ALDH8A1: variants seen among roughly 807,000 people sequenced by gnomAD.
ALDH8A1 encodes the protein 2-aminomuconic semialdehyde dehydrogenase.
A neutral mutation model predicts 43.3 loss-of-function variants in ALDH8A1; 39 were observed. The observed-to-expected ratio is 0.90, with a 90% CI of 0.70 to 1.18. ALDH8A1 has a LOEUF of 1.18. Among genes scored for constraint, ALDH8A1 ranks in the 50% most tolerant of loss-of-function variants. ALDH8A1 has a pLI of 0.00. For missense variants in ALDH8A1, 605 were observed against 622.6 expected (o/e 0.97, Z 0.30); for synonymous variants, 233 against 243.5 (o/e 0.96, Z 0.40).
Position 134,927,823 on chromosome 6 carries a change from T to C in ALDH8A1, c.1011+1231A>G, listed in dbSNP as rs575500951. Among the ~76,000 whole-genome samples the C allele has an allele frequency of 1.5e-4, 23 of 152,188 alleles. No homozygotes were observed. In the South Asian group the frequency reaches 4.8e-3, roughly 32 times the overall value. ...GGAAGCAGTCTGGGGCATACTAACA[T>C]TGTTTTTCACCAGACATTTGCAGGT... is the stretch of plus-strand genomic sequence containing the variant. On this transcript the variant is annotated intron_variant, in intron 6 of 6. Coordinates refer to ENST00000265605, the MANE Select transcript of ALDH8A1 (RefSeq NM_022568.4).
At chr6:134,931,956 A>G (rs1776992778) in intron 5 of ALDH8A1, among the ~76,000 whole-genome samples, 1 of 152,252 alleles carries the variant, frequency 6.6e-6, no homozygotes, top group Admixed American at 6.5e-5. Flanking sequence ...TTAGCTCAAT[A>G]TAGACATCTC....
chr6:134,945,208 A>C lies in ALDH8A1; in HGVS notation c.139-1242T>G, dbSNP rs984089028. ...CTATAACATGAGTATTGCTATGCCC[A>C]TTTTACAGATGAGAAAACTGAGACA... On this transcript the variant is annotated intron_variant, in intron 1 of 6. Transcript: ENST00000265605. Among the ~76,000 whole-genome samples the C allele has an allele frequency of 9.9e-5, 15 of 152,202 alleles. 2 individuals carry two copies. The highest frequency in any genetic ancestry group is 2.6e-4 in the Admixed American group (4 of 15,292).
intron 1 of ALDH8A1, chr6:134,944,194 A>G: frequency 2.1e-6 from 1 of 475,832 alleles, no homozygotes; most frequent in Non-Finnish European, 3.7e-6. Flanking sequence ...CAGCCTCCTG[A>G]GCAGCTGGGA....
chr6:134,942,358 G>A lies in ALDH8A1; in HGVS notation c.442+51C>T, dbSNP rs376554109. 2.0e-6 allele frequency: 3 copies of A among 1,494,950 alleles called. No individual in the cohort carries two copies. The Admixed American group carries it at 5.9e-5, about 30-fold the overall frequency. 92.6% of individuals were successfully genotyped at this position (1,494,950 alleles called of 1,614,324 possible). The stretch of plus-strand genomic sequence containing the variant: ...TGAGGACAATGCCATAGAATGTTGT[G>A]AGCATCTGCAAGCATAACCGGGAGG... On this transcript the variant is annotated intron_variant, in intron 3 of 6. Transcript: ENST00000265605.
intron 4 of ALDH8A1, among the ~76,000 whole-genome samples, chr6:134,938,575 G>A (rs1001892138): frequency 1.3e-5 from 2 of 152,036 alleles, no homozygotes; most frequent in African/African-American, 4.8e-5. Flanking sequence ...GGTGTACCTA[G>A]CAATATTCTT....
chr6:134,921,642 C>G (rs1334543432), intron 6 of ALDH8A1, among the ~76,000 whole-genome samples: 1 of 152,218 alleles, frequency 6.6e-6, no homozygotes, highest in African/African-American at 2.4e-5. Flanking sequence ...GCATCGCCAC[C>G]TATTGTGGCA....
At chr6:134,920,909 C>T (rs1394408990) in intron 6 of ALDH8A1, among the ~76,000 whole-genome samples, 2 of 152,298 alleles carry the variant, frequency 1.3e-5, no homozygotes, top group African/African-American at 4.8e-5. Flanking sequence ...ATTCAAATCC[C>T]AGTTCACCCA....
At chr6:134,922,517 A>T (rs6903813) in intron 6 of ALDH8A1, among the ~76,000 whole-genome samples, 284 of 151,980 alleles carry the variant, frequency 1.9e-3, no homozygotes, top group African/African-American at 5.7e-3. Flanking sequence ...CCTCCCGAGT[A>T]GCTGGGGCTA....
intron 1 of ALDH8A1, 62 bp downstream of exon 1, chr6:134,949,854 G>C: frequency 1.4e-6 from 2 of 1,477,018 alleles, no homozygotes; most frequent in Non-Finnish European, 1.8e-6. Context: ...TTAGAAAACT[G>C]TTACCCATAA....
chr6:134,948,433 T>C (rs186092541), intron 1 of ALDH8A1, among the ~76,000 whole-genome samples: 12 of 152,322 alleles, frequency 7.9e-5, no homozygotes, highest in Non-Finnish European at 1.8e-4. Context: ...GAGATCCTAA[T>C]TACCCTGATT....
chr6:134,925,180 T>C (rs186119187), intron 6 of ALDH8A1, among the ~76,000 whole-genome samples: 3 of 152,334 alleles, frequency 2.0e-5, no homozygotes, highest in African/African-American at 7.2e-5. Flanking sequence ...CCAAGTGTTT[T>C]CAGAAAACTA....
At chr6:134,947,110 C>A (rs1023232085) in intron 1 of ALDH8A1, among the ~76,000 whole-genome samples, 1 of 152,104 alleles carries the variant, frequency 6.6e-6, no homozygotes, top group Non-Finnish European at 1.5e-5. Context: ...TACAAAGCTG[C>A]CAAAAATATG....
intron 5 of ALDH8A1, among the ~76,000 whole-genome samples, chr6:134,931,892 A>G (rs1776991921): frequency 6.6e-6 from 1 of 152,232 alleles, no homozygotes; most frequent in Non-Finnish European, 1.5e-5. Context: ...ACATGATTTT[A>G]TTAGTGAAGC....
chr6:134,936,982 G>A (rs2114698289), intron 4 of ALDH8A1, among the ~76,000 whole-genome samples: 1 of 152,026 alleles, frequency 6.6e-6, no homozygotes, highest in Admixed American at 6.6e-5. Context: ...GGCTTGGCAG[G>A]GTGGCAACAA....
At chr6:134,946,686 A>G (rs1773955436) in intron 1 of ALDH8A1, among the ~76,000 whole-genome samples, 1 of 151,864 alleles carries the variant, frequency 6.6e-6, no homozygotes, top group Non-Finnish European at 1.5e-5. Flanking sequence ...CAAGTGGTGC[A>G]GCTTGTATTT....
intron 4 of ALDH8A1, among the ~76,000 whole-genome samples, chr6:134,937,063 C>T (rs981523673): frequency 6.6e-6 from 1 of 152,150 alleles, no homozygotes; most frequent in African/African-American, 2.4e-5. Flanking sequence ...GCTCCACACA[C>T]ACACCTAATG....
rs1777008149 is a variant in ALDH8A1 at position 134,932,831 on chromosome 6, T to A, written c.794A>T (p.Asp265Val). The change falls in exon 5 of 7, where the codon GAC becomes GTC. Residue 265 changes from aspartate to valine, a missense_variant. Transcript: ENST00000265605. ...GGKNPAIIFE[D>V]ANLDECIPAT... is the part of the protein sequence containing the mutation. Reference sequence around the variant, plus strand: ...CGGAATGCACTCATCCAGGTTGGCGTCCTCAAAGATGATGGCAGGATTCTT... The same window carrying A: ...CGGAATGCACTCATCCAGGTTGGCGACCTCAAAGATGATGGCAGGATTCTT... The A allele has an allele frequency of 6.2e-7, 1 of 1,614,176 alleles. No homozygotes were observed. Among genetic ancestry groups the A allele is most frequent in the African/African-American group, 1.3e-5 (1 of 75,038 alleles).
At chr6:134,923,339 T>TAAA in intron 6 of ALDH8A1, among the ~76,000 whole-genome samples, 2 of 148,234 alleles carry the variant, frequency 1.3e-5, no homozygotes, top group African/African-American at 4.9e-5. Flanking sequence ...GAAGGTTTAT[T>TAAA]AAAAAAAAAA....
intron 4 of ALDH8A1, among the ~76,000 whole-genome samples, chr6:134,937,641 G>A (rs757278024): frequency 2.6e-5 from 4 of 152,298 alleles, no homozygotes; most frequent in African/African-American, 7.2e-5. Flanking sequence ...AAGGGAACAC[G>A]GCTCTGCACG....
Sources: gnomAD v4.1 joint callset for allele counts (sites outside exome capture counted in the v4.1 genomes callset) on GRCh38, gnomAD v4.1.1 for gene constraint, MANE v1.5 for transcripts, NCBI Gene and HGNC (gene_info 2026-07-23, HGNC 2026-07-21) for gene names.